RGS7: variants seen among roughly 807,000 people sequenced by gnomAD.
The protein encoded by RGS7 is regulator of G protein signaling 7.
A neutral mutation model predicts 81.1 loss-of-function variants in RGS7; 27 were observed. That is an observed-to-expected ratio of 0.33 (90% CI 0.25 to 0.46). RGS7 has a LOEUF of 0.46. Among genes scored for constraint, RGS7 ranks in the 20% least tolerant of loss-of-function variants. The probability of loss-of-function intolerance (pLI) is 1.00; values close to 1 mark genes in which losing one functional copy is unlikely to be tolerated. For synonymous variants in RGS7, 208 were observed against 207.7 expected (o/e 1.00, Z -0.01); for missense variants, 396 against 607.4 (o/e 0.65, Z 3.66).
At chr1:240,974,937 C>T (rs533800472) in intron 4 of RGS7, among the ~76,000 whole-genome samples, 1 of 151,958 alleles carries the variant, frequency 6.6e-6, no homozygotes, top group South Asian at 2.1e-4. Flanking sequence ...AATTAATTTG[C>T]CCAATGCCTG....
Position 241,025,697 on chromosome 1 carries a change from CTT to C in RGS7, c.176-42570_176-42569del, listed in dbSNP as rs36073556. 4.1e-3 allele frequency among the ~76,000 whole-genome samples: 612 copies of C among 148,304 alleles called. 1 individual carries two copies. The highest frequency in any genetic ancestry group is 0.021 in the Middle Eastern group (6 of 288). On this transcript the variant is annotated intron_variant, in intron 3 of 18. Transcript: ENST00000440928. ...GTACAAAAATGGGAAATTCTAGAAG[CTT>C]TTTTTTTTTAATGAAGGATATTACA... is the stretch of plus-strand genomic sequence containing the variant.
intron 3 of RGS7, among the ~76,000 whole-genome samples, chr1:241,008,174 C>CA (rs1364832177): frequency 6.6e-6 from 1 of 151,824 alleles, no homozygotes; most frequent in Non-Finnish European, 1.5e-5. Context: ...AACTGTCCTT[C>CA]AAAAAAGACC....
intron 2 of RGS7, among the ~76,000 whole-genome samples, chr1:241,296,191 G>T (rs1044769179): frequency 1.3e-5 from 2 of 152,000 alleles, no homozygotes; most frequent in African/African-American, 4.8e-5. Context: ...GGAGGAAGAA[G>T]GGGAAGAAGG....
intron 9 of RGS7, among the ~76,000 whole-genome samples, chr1:240,846,397 G>C (rs1659092352): frequency 6.6e-6 from 1 of 152,144 alleles, no homozygotes; most frequent in African/African-American, 2.4e-5. Context: ...CGCCACAGCT[G>C]TGAGGAGTAT....
chr1:241,030,511 C>A (rs566414827), intron 3 of RGS7, among the ~76,000 whole-genome samples: 4 of 150,860 alleles, frequency 2.7e-5, no homozygotes, highest in African/African-American at 7.3e-5. Flanking sequence ...CACACACACA[C>A]ACACACACAC....
intron 6 of RGS7, among the ~76,000 whole-genome samples, chr1:240,916,616 C>A (rs1157943011): frequency 6.6e-6 from 1 of 152,038 alleles, no homozygotes; most frequent in East Asian, 1.9e-4. Context: ...GGTCCCAATC[C>A]AATATGACTG....
chr1:241,005,470 G>A (rs1260556703), intron 3 of RGS7, among the ~76,000 whole-genome samples: 2 of 152,050 alleles, frequency 1.3e-5, no homozygotes, highest in South Asian at 2.1e-4. Context: ...CTGTCACCAC[G>A]TTTTAGTTTT....
intron 2 of RGS7, among the ~76,000 whole-genome samples, chr1:241,111,976 G>A (rs1018209354): frequency 2.0e-5 from 3 of 152,100 alleles, no homozygotes; most frequent in Non-Finnish European, 2.9e-5. Flanking sequence ...TTCTTTCAAG[G>A]CTGGTACAGG....
At chr1:241,035,692 C>T (rs2060289071) in intron 3 of RGS7, among the ~76,000 whole-genome samples, 1 of 152,118 alleles carries the variant, frequency 6.6e-6, no homozygotes, top group African/African-American at 2.4e-5. Flanking sequence ...TTATCAGCAC[C>T]ACTATCACCA....
chr1:240,888,264 A>T (rs1667708750), intron 6 of RGS7, among the ~76,000 whole-genome samples: 1 of 152,224 alleles, frequency 6.6e-6, no homozygotes, highest in East Asian at 1.9e-4. Flanking sequence ...CTCACCTGGT[A>T]AAACTAGAAG....
intron 2 of RGS7, among the ~76,000 whole-genome samples, chr1:241,215,154 T>C (rs1051673736): frequency 5.3e-5 from 8 of 152,208 alleles, no homozygotes; most frequent in African/African-American, 1.2e-4. Context: ...TTGAAGAGTA[T>C]TGAGTCTTGT....
At chr1:241,301,479 A>T (rs2079753812) in intron 2 of RGS7, among the ~76,000 whole-genome samples, 1 of 152,188 alleles carries the variant, frequency 6.6e-6, no homozygotes, top group Non-Finnish European at 1.5e-5. Context: ...CTGAATATTT[A>T]GGGATGATGG....
At chr1:241,179,641 T>C (rs1028146243) in intron 2 of RGS7, among the ~76,000 whole-genome samples, 7 of 152,170 alleles carry the variant, frequency 4.6e-5, no homozygotes, top group Non-Finnish European at 7.3e-5. Flanking sequence ...ACATGTGACC[T>C]ACAGTTTCCC....
chr1:240,892,933 T>C (rs1345766051), intron 6 of RGS7, among the ~76,000 whole-genome samples: 13 of 152,150 alleles, frequency 8.5e-5, no homozygotes. Flanking sequence ...TTAGTGTCTT[T>C]AGAGCTAAAT....
intron 9 of RGS7, among the ~76,000 whole-genome samples, chr1:240,866,414 G>A (rs1663266155): frequency 6.6e-6 from 1 of 152,138 alleles, no homozygotes; most frequent in Non-Finnish European, 1.5e-5. Context: ...AGGAGGCTGA[G>A]GCAGGAGAAT....
rs150041234 is a variant in RGS7 at position 240,776,199 on chromosome 1, C to A, written c.*21G>T. 1 of 1,610,752 alleles carries A rather than the reference C, an allele frequency of 6.2e-7. No individual in the cohort carries two copies. The highest frequency in any genetic ancestry group is 8.5e-7 in the Non-Finnish European group (1 of 1,177,036). ...GAGCAAGGCTTGTTAACCTCTTGGA[C>A]GTGAGAGATTTCCCCTGAGAAAATA... On this transcript the variant is annotated 3_prime_UTR_variant, in exon 19 of 19. Transcript: ENST00000440928.
Position 240,919,673 on chromosome 1 carries a change from T to C in RGS7, c.385+11044A>G, listed in dbSNP as rs186931314. The C allele has an allele frequency of 2.2e-5, 12 of 538,686 alleles. No individual in the cohort carries two copies. The Admixed American group carries it at 3.7e-4, about 17-fold the overall frequency. The allele number at this position is 538,686 out of a possible 1,614,324, so 33.4% of individuals were successfully genotyped here. On this transcript the variant is annotated intron_variant, in intron 6 of 18. Coordinates refer to ENST00000440928, the MANE Select transcript of RGS7 (RefSeq NM_001364886.1). ...CCCTCATGCCTAAGTCAGAGTCTCC[T>C]AAAGAACCGAACAGCTGAGGAAGCT... is the stretch of plus-strand genomic sequence containing the variant.
At chr1:241,117,488 T>C (rs1019759677) in intron 2 of RGS7, among the ~76,000 whole-genome samples, 2 of 152,158 alleles carry the variant, frequency 1.3e-5, no homozygotes, top group Non-Finnish European at 2.9e-5. Flanking sequence ...GGATTGTGGA[T>C]GGTGACAGGA....
At chr1:241,152,158 T>C (rs1295809041) in intron 2 of RGS7, among the ~76,000 whole-genome samples, 4 of 143,042 alleles carry the variant, frequency 2.8e-5, no homozygotes, top group African/African-American at 5.4e-5. Context: ...AAAAAAAAGA[T>C]CTTTGGGCAA....
Sources: gnomAD v4.1 joint callset for allele counts (sites outside exome capture counted in the v4.1 genomes callset) on GRCh38, gnomAD v4.1.1 for gene constraint, MANE v1.5 for transcripts, NCBI Gene and HGNC (gene_info 2026-07-23, HGNC 2026-07-21) for gene names.